The following ZFHX3 variants were observed in gnomAD, a reference collection of about 807,000 sequenced individuals.
ZFHX3 encodes zinc finger homeobox protein 3.
ZFHX3 carries 42 observed loss-of-function variants against 279.1 expected under a neutral mutation model. The observed-to-expected ratio is 0.15, with a 90% CI of 0.12 to 0.19. ZFHX3 has a LOEUF of 0.19. ZFHX3 is among the 10% of genes least tolerant of loss of function. The pLI is 1.00. For synonymous variants in ZFHX3, 2,293 were observed against 1,957.8 expected (o/e 1.17, Z -4.52); for missense variants, 4,981 against 4,754.0 (o/e 1.05, Z -1.40).
chr16:72,843,550 G>A (rs1567543810), intron 4 of ZFHX3, among the ~76,000 whole-genome samples: 2 of 147,506 alleles, frequency 1.4e-5, no homozygotes, highest in Non-Finnish European at 1.5e-5. Flanking sequence ...GCCACACAGT[G>A]AGGAAACCTG....
At chr16:72,851,883 C>T (rs748263702) in intron 4 of ZFHX3, among the ~76,000 whole-genome samples, 8 of 152,180 alleles carry the variant, frequency 5.3e-5, no homozygotes, top group Non-Finnish European at 8.8e-5. Flanking sequence ...AATAATAAGG[C>T]ATGCTCAAAT....
At chr16:73,519,737 G>A (rs1258958245) in intron 2 of ZFHX3, among the ~76,000 whole-genome samples, 11 of 152,146 alleles carry the variant, frequency 7.2e-5, no homozygotes, top group Non-Finnish European at 1.3e-4. Context: ...ACTCCCACTA[G>A]AGGGGTTGAA....
chr16:72,983,532 C>T (rs1461623842), intron 1 of ZFHX3, among the ~76,000 whole-genome samples: 1 of 152,102 alleles, frequency 6.6e-6, no homozygotes, highest in Non-Finnish European at 1.5e-5. Context: ...CATAGTAAGA[C>T]CCCCATCTCT....
intron 1 of ZFHX3, among the ~76,000 whole-genome samples, chr16:73,694,238 G>A (rs149463387): frequency 0.013 from 1,918 of 152,200 alleles, 38 homozygotes; most frequent in African/African-American, 0.044. Flanking sequence ...CAGGAGAATC[G>A]CTTGAACTGG....
At chr16:72,830,724 A>C (rs1202947956) in intron 4 of ZFHX3, among the ~76,000 whole-genome samples, 1 of 152,210 alleles carries the variant, frequency 6.6e-6, no homozygotes, top group African/African-American at 2.4e-5. Flanking sequence ...ATGCTGAGGG[A>C]AAGAAGGGGA....
At chr16:73,035,112 T>C (rs904401463) in intron 1 of ZFHX3, among the ~76,000 whole-genome samples, 36 of 152,098 alleles carry the variant, frequency 2.4e-4, no homozygotes, top group Non-Finnish European at 4.1e-4. Flanking sequence ...TCGATAGAGA[T>C]GTGCTGAAGG....
chr16:73,139,153 C>A (rs758708091), intron 6 of ZFHX3, among the ~76,000 whole-genome samples: 109 of 152,198 alleles, frequency 7.2e-4, no homozygotes, highest in Non-Finnish European at 1.2e-3. Flanking sequence ...TTGTTTACAA[C>A]ATCACTGCTC....
At chr16:73,389,577 C>T (rs1365983862) in intron 3 of ZFHX3, among the ~76,000 whole-genome samples, 2 of 152,166 alleles carry the variant, frequency 1.3e-5, no homozygotes, top group African/African-American at 2.4e-5. Flanking sequence ...TACCTGTGGA[C>T]GTCTCATCTC....
At chr16:73,689,985 G>A (rs1192162242) in intron 1 of ZFHX3, among the ~76,000 whole-genome samples, 2 of 151,712 alleles carry the variant, frequency 1.3e-5, no homozygotes, top group Admixed American at 6.6e-5. Flanking sequence ...GCGCGATCTC[G>A]GCTCACCGCA....
intron 1 of ZFHX3, among the ~76,000 whole-genome samples, chr16:73,787,814 A>AGTGTGTGTGTGTGTGTGT (rs72236616): frequency 1.4e-5 from 2 of 138,070 alleles, no homozygotes; most frequent in African/African-American, 2.8e-5. Context: ...GTTTTCTTAA[A>AGTGTGTGTGTGTGTGTGT]GTGTGTGTGT....
chr16:73,768,824 T>C (rs1410280446), intron 1 of ZFHX3, among the ~76,000 whole-genome samples: 1 of 152,114 alleles, frequency 6.6e-6, no homozygotes, highest in Non-Finnish European at 1.5e-5. Flanking sequence ...ACCTACAGCA[T>C]TGCACTGAGA....
intron 4 of ZFHX3, among the ~76,000 whole-genome samples, chr16:73,299,936 G>A (rs957452603): frequency 1.3e-5 from 2 of 152,134 alleles, no homozygotes; most frequent in Non-Finnish European, 2.9e-5. Flanking sequence ...TTACAAATCT[G>A]AATGATTTGT....
upstream of ZFHX3, among the ~76,000 whole-genome samples, chr16:73,051,975 A>G (rs1965458606): frequency 6.6e-6 from 1 of 152,322 alleles, no homozygotes. Flanking sequence ...CAGCATCGCA[A>G]TCTGGGTCCA....
chr16:73,046,448 C>G (rs1300790576), intron 1 of ZFHX3, among the ~76,000 whole-genome samples: 1 of 152,134 alleles, frequency 6.6e-6, no homozygotes, highest in Non-Finnish European at 1.5e-5. Context: ...CCACAGCACT[C>G]TCGTGTCCTC....
chr16:73,236,929 G>T (rs2012968137), intron 5 of ZFHX3, among the ~76,000 whole-genome samples: 1 of 152,196 alleles, frequency 6.6e-6, no homozygotes, highest in Non-Finnish European at 1.5e-5. Context: ...TCAGCAAATG[G>T]TGAAGACAGC....
intron 3 of ZFHX3, among the ~76,000 whole-genome samples, chr16:73,435,547 T>C (rs1048602109): frequency 6.6e-6 from 1 of 152,140 alleles, no homozygotes; most frequent in Non-Finnish European, 1.5e-5. Context: ...CTGTACTCCG[T>C]AGCAACTTGT....
Position 73,163,121 on chromosome 16 carries a change from A to AT in ZFHX3, c.-1103-19291dup, listed in dbSNP as rs138701906. Among the ~76,000 whole-genome samples the AT allele has an allele frequency of 9.8e-3, 1,494 of 152,236 alleles. 10 individuals are homozygous for AT. The highest frequency in any genetic ancestry group is 0.016 in the Non-Finnish European group (1,110 of 68,020). On this transcript the variant is annotated intron_variant, in intron 5 of 17. Transcript: ENST00000641206. ...TTCATTCAGTCGGGACAACACATGT[A>AT]TTTTTTCTAGTTTAACTCTGCCTGG...
At chr16:73,181,768 C>G (rs1967800933) in intron 5 of ZFHX3, among the ~76,000 whole-genome samples, 1 of 152,064 alleles carries the variant, frequency 6.6e-6, no homozygotes, top group African/African-American at 2.4e-5. Flanking sequence ...GATATAGTTC[C>G]CGTTAGGGCT....
chr16:72,924,142 T>G (rs768395027), intron 3 of ZFHX3, among the ~76,000 whole-genome samples: 2 of 152,180 alleles, frequency 1.3e-5, no homozygotes, highest in South Asian at 2.1e-4. Context: ...TCAGAGTTGG[T>G]TGCAATAGGT....
Sources: gnomAD v4.1 joint callset for allele counts (sites outside exome capture counted in the v4.1 genomes callset) on GRCh38, gnomAD v4.1.1 for gene constraint, MANE v1.5 for transcripts, NCBI Gene and HGNC (gene_info 2026-07-23, HGNC 2026-07-21) for gene names.